The following CNTNAP2 variants were observed in gnomAD, a reference collection of about 807,000 sequenced individuals.
CNTNAP2 encodes contactin associated protein 2, also known as contactin-associated protein-like 2.
Under a neutral mutation model 155.2 loss-of-function variants are expected in CNTNAP2, and 98 were observed. That is an observed-to-expected ratio of 0.63 (90% CI 0.54 to 0.75). The LOEUF (loss-of-function observed/expected upper bound fraction) is 0.75. Among genes scored for constraint, CNTNAP2 ranks in the 30% least tolerant of loss-of-function variants. The pLI is 0.00. For missense variants in CNTNAP2, 1,727 were observed against 1,688.1 expected, an observed-to-expected ratio of 1.02 and a Z score of -0.40; for synonymous variants, 651 against 631.2, an observed-to-expected ratio of 1.03 and a Z score of -0.47.
At chr7:146,209,064 T>C (rs73453810) in intron 1 of CNTNAP2, among the ~76,000 whole-genome samples, 2,268 of 152,228 alleles carry the variant, frequency 0.015, 57 homozygotes, top group African/African-American at 0.05. Flanking sequence ...AGGGGCTTCA[T>C]TGTAAACCCC....
At chr7:146,973,317 C>T (rs1383106885) in intron 3 of CNTNAP2, among the ~76,000 whole-genome samples, 4 of 152,110 alleles carry the variant, frequency 2.6e-5, no homozygotes, top group Middle Eastern at 3.2e-3. Flanking sequence ...CGTGAGCCAC[C>T]GCGCCTGGCC....
At chr7:146,789,511 A>T (rs1305674338) in intron 2 of CNTNAP2, among the ~76,000 whole-genome samples, 1 of 152,054 alleles carries the variant, frequency 6.6e-6, no homozygotes, top group African/African-American at 2.4e-5. Context: ...TGTTAAAAGC[A>T]TATCTTTTTT....
At chr7:147,583,503 C>CATATATATATATATATAT (rs71183019) in intron 12 of CNTNAP2, among the ~76,000 whole-genome samples, 17 of 129,142 alleles carry the variant, frequency 1.3e-4, no homozygotes, top group African/African-American at 3.6e-4. Context: ...AAAGACATGA[C>CATATATATATATATATAT]ATATATATAT....
chr7:147,999,092 T>A (rs1286220249), intron 15 of CNTNAP2, among the ~76,000 whole-genome samples: 1 of 151,238 alleles, frequency 6.6e-6, no homozygotes, highest in Admixed American at 6.6e-5. Flanking sequence ...TATAGAAGTC[T>A]TTTTTTTTGA....
At chr7:147,549,049 C>A (rs779118835) in intron 11 of CNTNAP2, among the ~76,000 whole-genome samples, 1 of 151,984 alleles carries the variant, frequency 6.6e-6, no homozygotes, top group Non-Finnish European at 1.5e-5. Context: ...GATGCCTCCA[C>A]CTTTGTTCTT....
chr7:146,682,179 TAG>T (rs1325431456), intron 1 of CNTNAP2, among the ~76,000 whole-genome samples: 1 of 152,128 alleles, frequency 6.6e-6, no homozygotes, highest in Non-Finnish European at 1.5e-5. Context: ...TTTAATTAAT[TAG>T]AGTGACCTAG....
At chr7:147,447,882 A>T (rs1445161921) in intron 10 of CNTNAP2, among the ~76,000 whole-genome samples, 1 of 152,116 alleles carries the variant, frequency 6.6e-6, no homozygotes, top group African/African-American at 2.4e-5. Context: ...GTATCAAGAA[A>T]GTCCTAATTC....
intron 10 of CNTNAP2, among the ~76,000 whole-genome samples, chr7:147,399,270 G>A (rs1796874296): frequency 6.6e-6 from 1 of 152,128 alleles, no homozygotes; most frequent in Non-Finnish European, 1.5e-5. Context: ...GTTCTAAATA[G>A]AGCAACATGA....
intron 1 of CNTNAP2, among the ~76,000 whole-genome samples, chr7:146,217,975 T>C (rs900480722): frequency 6.6e-6 from 1 of 152,198 alleles, no homozygotes. Flanking sequence ...GTAACACACC[T>C]GCACGTATAT....
chr7:146,474,841 A>T (rs1368359531), intron 1 of CNTNAP2, among the ~76,000 whole-genome samples: 1 of 152,176 alleles, frequency 6.6e-6, no homozygotes, highest in Non-Finnish European at 1.5e-5. Context: ...GCTCAATCTG[A>T]TGCTGCTTCT....
At chr7:147,118,454 T>C (rs1352985344) in intron 5 of CNTNAP2, among the ~76,000 whole-genome samples, 1 of 152,182 alleles carries the variant, frequency 6.6e-6, no homozygotes, top group Admixed American at 6.5e-5. Flanking sequence ...TGGGGAAATA[T>C]ATAATATTAA....
intron 1 of CNTNAP2, among the ~76,000 whole-genome samples, chr7:146,532,206 T>C (rs1454745651): frequency 6.6e-6 from 1 of 152,134 alleles, no homozygotes; most frequent in African/African-American, 2.4e-5. Context: ...GATTTTCAAA[T>C]GAGAAAATAG....
chr7:147,893,458 C>T (rs1799725715), intron 13 of CNTNAP2, among the ~76,000 whole-genome samples: 1 of 152,134 alleles, frequency 6.6e-6, no homozygotes, highest in Admixed American at 6.5e-5. Flanking sequence ...GTCATCTGGG[C>T]CTCTTTGTTT....
At chr7:146,992,323 T>C (rs901253585) in intron 3 of CNTNAP2, among the ~76,000 whole-genome samples, 14 of 152,194 alleles carry the variant, frequency 9.2e-5, no homozygotes, top group African/African-American at 3.4e-4. Flanking sequence ...TATTGCCAGG[T>C]CAAGTATTAT....
At chr7:146,494,412 A>T (rs1797184678) in intron 1 of CNTNAP2, among the ~76,000 whole-genome samples, 1 of 152,048 alleles carries the variant, frequency 6.6e-6, no homozygotes, top group South Asian at 2.1e-4. Context: ...ACTAAAAGTT[A>T]TGAAAATATT....
At chr7:146,197,418 G>A (rs1798793154) in intron 1 of CNTNAP2, among the ~76,000 whole-genome samples, 1 of 152,070 alleles carries the variant, frequency 6.6e-6, no homozygotes, top group Non-Finnish European at 1.5e-5. Flanking sequence ...TATAATTTCT[G>A]ACTTTTTGGT....
chr7:147,451,274 GAT>G (rs577608796), intron 10 of CNTNAP2, among the ~76,000 whole-genome samples: 31 of 152,134 alleles, frequency 2.0e-4, no homozygotes, highest in Non-Finnish European at 4.1e-4. Flanking sequence ...GCCCTTCGGG[GAT>G]ATGTTTGTCA....
At chr7:147,677,256 T>C (rs148678452) in intron 13 of CNTNAP2, among the ~76,000 whole-genome samples, 9 of 151,972 alleles carry the variant, frequency 5.9e-5, no homozygotes, top group African/African-American at 2.2e-4. Flanking sequence ...CCCTAATGAT[T>C]AGTGATGTTG....
chr7:146,416,728 G>A (rs1795943455), intron 1 of CNTNAP2, among the ~76,000 whole-genome samples: 1 of 152,050 alleles, frequency 6.6e-6, no homozygotes, highest in Non-Finnish European at 1.5e-5. Flanking sequence ...GCTTATCAGA[G>A]TTCTTTTATC....
Sources: allele counts gnomAD v4.1 joint callset (sites outside exome capture counted in the v4.1 genomes callset), GRCh38; gene constraint gnomAD v4.1.1; transcripts MANE v1.5; gene names NCBI Gene and HGNC (gene_info 2026-07-23, HGNC 2026-07-21).